The following TANK variants were observed in gnomAD, a reference collection of about 807,000 sequenced individuals.
TANK encodes the protein TRAF family member-associated NF-kappa-B activator.
TANK carries 15 observed loss-of-function variants against 43.6 expected under a neutral mutation model. The observed-to-expected ratio is 0.34, with a 90% CI of 0.23 to 0.53. TANK has a LOEUF of 0.53. Ranked by LOEUF, TANK falls within the 20% of genes least tolerant of loss-of-function variation. TANK has a pLI of 0.94. For synonymous variants in TANK, 162 were observed against 178.2 expected (o/e 0.91, Z 0.73); for missense variants, 417 against 498.6 (o/e 0.84, Z 1.56).
chr2:161,185,374 G>A (rs780808109), intron 2 of TANK, among the ~76,000 whole-genome samples: 1 of 152,040 alleles, frequency 6.6e-6, no homozygotes, highest in Non-Finnish European at 1.5e-5. Context: ...ATTGTAGTAG[G>A]CTGAGGAGAA....
intron 1 of TANK, among the ~76,000 whole-genome samples, chr2:161,169,401 TAAG>T (rs1684843131): frequency 6.6e-6 from 1 of 152,176 alleles, no homozygotes; most frequent in African/African-American, 2.4e-5. Flanking sequence ...TACATAGTAA[TAAG>T]AAAGTAAAAG....
intron 6 of TANK, among the ~76,000 whole-genome samples, chr2:161,225,483 T>TA: frequency 6.6e-6 from 1 of 152,322 alleles, no homozygotes; most frequent in African/African-American, 2.4e-5. Context: ...TATAGTATGT[T>TA]TTGTAAATGC....
intron 4 of TANK, chr2:161,219,933 A>G (rs926072949): frequency 2.3e-5 from 7 of 298,324 alleles, no homozygotes; most frequent in Admixed American, 5.0e-5. Context: ...ATTTATACCT[A>G]TTCCATAGTT....
intron 1 of TANK, among the ~76,000 whole-genome samples, chr2:161,153,094 C>A (rs1038109383): frequency 6.6e-6 from 1 of 151,974 alleles, no homozygotes; most frequent in African/African-American, 2.4e-5. Context: ...CTTTCTTCTG[C>A]TTGCTGAAAT....
chr2:161,209,969 CTA>C (rs1416526743), intron 4 of TANK, among the ~76,000 whole-genome samples: 2 of 152,088 alleles, frequency 1.3e-5, no homozygotes, highest in Non-Finnish European at 2.9e-5. Context: ...GTTCTCATGT[CTA>C]TATATTTCTA....
intron 1 of TANK, among the ~76,000 whole-genome samples, chr2:161,175,795 G>C (rs1260389834): frequency 2.0e-5 from 3 of 152,118 alleles, no homozygotes; most frequent in Non-Finnish European, 4.4e-5. Context: ...AGTTTTGCTT[G>C]TCTGAACCAC....
chr2:161,173,233 C>T (rs1053013349), intron 1 of TANK, among the ~76,000 whole-genome samples: 2 of 152,134 alleles, frequency 1.3e-5, no homozygotes, highest in Non-Finnish European at 2.9e-5. Flanking sequence ...CTGACCATAG[C>T]TTATCATGGC....
At chr2:161,147,331 C>A (rs1050594713) in intron 1 of TANK, among the ~76,000 whole-genome samples, 4 of 152,204 alleles carry the variant, frequency 2.6e-5, no homozygotes, top group African/African-American at 9.7e-5. Context: ...CAGAGAGCTG[C>A]AGCTGTGGTG....
upstream of TANK, chr2:161,160,323 G>A: frequency 1.3e-6 from 1 of 798,934 alleles, no homozygotes; most frequent in Non-Finnish European, 1.7e-6. Context: ...GGGTGGGGCA[G>A]GGCGGAAGGG....
chr2:161,160,559 G>C, intron 1 of TANK, 73 bp downstream of exon 1: 1 of 1,186,688 alleles, frequency 8.4e-7, no homozygotes, highest in Non-Finnish European at 1.1e-6. Context: ...GTATGCGTGA[G>C]CGAGAGGGAC....
At chr2:161,187,014 C>CA (rs771292650) in intron 2 of TANK, among the ~76,000 whole-genome samples, 35 of 151,846 alleles carry the variant, frequency 2.3e-4, no homozygotes, top group Non-Finnish European at 4.0e-4. Context: ...AAATATTTGA[C>CA]AAAAAAATAA....
rs1683754536 is a variant in TANK at position 161,141,763 on chromosome 2, C to G, written c.-50+4700C>G. Among the ~76,000 whole-genome samples, 3 of 152,166 alleles carry G rather than the reference C, an allele frequency of 2.0e-5. No homozygotes were observed. The South Asian group carries it at 6.2e-4, about 32-fold the overall frequency. On this transcript the variant is annotated intron_variant, in intron 1 of 7. Transcript: ENST00000259075. Reference sequence around the variant, plus strand: ...CATTTGGATTGGTTCCATGTCTTTGCTATTGTAAATAGTGCTGCACGAAAC... The same window carrying G: ...CATTTGGATTGGTTCCATGTCTTTGGTATTGTAAATAGTGCTGCACGAAAC...
At chr2:161,178,734 G>T (rs1056988299) in intron 1 of TANK, among the ~76,000 whole-genome samples, 5 of 152,222 alleles carry the variant, frequency 3.3e-5, no homozygotes, top group Admixed American at 2.6e-4. Flanking sequence ...TGTTATGACA[G>T]ATTAGAGACT....
intron 4 of TANK, chr2:161,211,703 TA>T: frequency 6.2e-6 from 6 of 965,866 alleles, no homozygotes; most frequent in Non-Finnish European, 7.4e-6. Context: ...TGAATTCCTT[TA>T]ATGTTTAATC....
At chr2:161,139,658 C>T in intron 1 of TANK, 1 of 982,560 alleles carries the variant, frequency 1.0e-6, no homozygotes, top group Non-Finnish European at 1.2e-6. Flanking sequence ...TACACGTTTC[C>T]TCTTTTTCTC....
intron 4 of TANK, among the ~76,000 whole-genome samples, chr2:161,215,732 C>G (rs1400086109): frequency 6.6e-6 from 1 of 152,106 alleles, no homozygotes; most frequent in Non-Finnish European, 1.5e-5. Context: ...TTCTAAGATA[C>G]TGCTAGATTT....
intron 1 of TANK, among the ~76,000 whole-genome samples, chr2:161,165,645 A>G (rs1338260149): frequency 1.3e-5 from 2 of 152,226 alleles, no homozygotes; most frequent in African/African-American, 4.8e-5. Context: ...ACACCTCACC[A>G]TACTGACTAC....
chr2:161,201,138 A>G, intron 2 of TANK: 3 of 985,442 alleles, frequency 3.0e-6, no homozygotes, highest in African/African-American at 1.7e-5. Context: ...TTCCCTTACT[A>G]TACTTCCAGA....
intron 2 of TANK, among the ~76,000 whole-genome samples, chr2:161,181,575 C>G (rs1219302300): frequency 6.6e-6 from 1 of 152,046 alleles, no homozygotes; most frequent in Non-Finnish European, 1.5e-5. Context: ...AAAGCAGAAC[C>G]AAGTACCTTC....
Sources: gnomAD v4.1 joint callset for allele counts (sites outside exome capture counted in the v4.1 genomes callset) on GRCh38, gnomAD v4.1.1 for gene constraint, MANE v1.5 for transcripts, NCBI Gene and HGNC (gene_info 2026-07-23, HGNC 2026-07-21) for gene names.